Variants in MEF2C observed in about 807,000 individuals in gnomAD.
MEF2C encodes the protein myocyte-specific enhancer factor 2C.
MEF2C carries 6 observed loss-of-function variants against 50.5 expected under a neutral mutation model. That is an observed-to-expected ratio of 0.12 (90% CI 0.07 to 0.23). MEF2C has a LOEUF of 0.23. Among genes scored for constraint, MEF2C ranks in the 10% least tolerant of loss-of-function variants. MEF2C has a pLI of 1.00. For missense variants in MEF2C, 276 were observed against 605.0 expected (o/e 0.46, Z 5.70); for synonymous variants, 183 against 228.0 (o/e 0.80, Z 1.78).
rs146682702 is a variant in MEF2C, at chr5:88,853,836, G to T, written c.-143+29119C>A. ...TAAAACAATTTACATGAATGCTTTG[G>T]ATAAAGCTTAAACTTCAAACAAGGA... On this transcript the variant is annotated intron_variant, in intron 1 of 10. Transcript: ENST00000504921. 1.6e-3 allele frequency among the ~76,000 whole-genome samples: 249 copies of T among 152,288 alleles called. 8 individuals carry two copies. The East Asian group carries it at 0.037, about 22-fold the overall frequency.
chr5:88,734,029 G>GA (rs1280437838), intron 6 of MEF2C: 32 of 980,538 alleles, frequency 3.3e-5, no homozygotes, highest in South Asian at 4.7e-5. Context: ...CTCACTAGAA[G>GA]AAAAAAACAA....
intron 6 of MEF2C, chr5:88,733,393 G>T: frequency 1.0e-6 from 1 of 984,674 alleles, no homozygotes; most frequent in Non-Finnish European, 1.2e-6. Context: ...AAAGTCCTTG[G>T]GTTTATATGG....
chr5:88,730,102 T>C, intron 8 of MEF2C, 109 bp downstream of exon 8: 1 of 1,075,324 alleles, frequency 9.3e-7, no homozygotes, highest in Non-Finnish European at 1.3e-6. Context: ...ATAATCAATG[T>C]TGACATACTG....
At chr5:88,728,388 G>C in intron 10 of MEF2C, 105 bp downstream of exon 10, 4 of 906,608 alleles carry the variant, frequency 4.4e-6, no homozygotes, top group South Asian at 5.2e-5. Context: ...CAATAAAGTA[G>C]AGTTTTATAC....
intron 6 of MEF2C, chr5:88,734,304 T>A (rs1443248269): frequency 1.0e-6 from 1 of 985,226 alleles, no homozygotes; most frequent in Non-Finnish European, 1.2e-6. Flanking sequence ...CTGGTTTATA[T>A]AAACAATCAA....
chr5:88,799,141 G>A (rs1447931969), intron 3 of MEF2C, among the ~76,000 whole-genome samples: 1 of 152,242 alleles, frequency 6.6e-6, no homozygotes, highest in African/African-American at 2.4e-5. Context: ...ACTTGAGGAA[G>A]CAGTCTGTCC....
intron 1 of MEF2C, chr5:88,825,350 A>T (rs1810395594): frequency 4.2e-6 from 1 of 239,714 alleles, no homozygotes; most frequent in Non-Finnish European, 6.7e-6. Context: ...AGTGCTGCTT[A>T]AATACTAAGA....
At position 88,895,174 on chromosome 5, in the gene MEF2C, T is replaced by A. The variant is rs144886185; in HGVS notation, c.-239-7576A>T. Among the ~76,000 whole-genome samples, 6 of 152,346 alleles carry A rather than the reference T, an allele frequency of 3.9e-5. No homozygotes were observed. The East Asian group carries it at 1.2e-3, about 29-fold the overall frequency. On this transcript the variant is annotated intron_variant, in intron 1 of 11. Coordinates refer to the MEF2C transcript ENST00000340208. ...TATGTAATGATATTTTAAAAGATGT[T>A]TTCTTTTCTGTCAGTTTCATGCTTC...
chr5:88,761,361 G>A (rs1438248902), intron 3 of MEF2C, 33 bp from the exon 4 acceptor site: 1 of 1,596,586 alleles, frequency 6.3e-7, no homozygotes, highest in African/African-American at 1.3e-5. Flanking sequence ...TTCAAACCTA[G>A]ACAAAGGCTG....
chr5:88,848,544 T>A (rs1339767520), intron 1 of MEF2C, among the ~76,000 whole-genome samples: 1 of 152,210 alleles, frequency 6.6e-6, no homozygotes, highest in Non-Finnish European at 1.5e-5. Flanking sequence ...GTAGATAAGC[T>A]GAGGCACATT....
chr5:88,866,413 G>C (rs1234599722), intron 1 of MEF2C, among the ~76,000 whole-genome samples: 2 of 152,136 alleles, frequency 1.3e-5, no homozygotes, highest in Non-Finnish European at 2.9e-5. Flanking sequence ...TGTATATCTG[G>C]TAATTCAGAA....
chr5:88,794,418 T>C (rs1468019251), intron 3 of MEF2C, among the ~76,000 whole-genome samples: 3 of 152,234 alleles, frequency 2.0e-5, no homozygotes, highest in Non-Finnish European at 1.5e-5. Flanking sequence ...TTTTTTCATA[T>C]GCTTGTTGGT....
At chr5:88,804,553 C>A in intron 3 of MEF2C, 45 bp downstream of exon 3, 2 of 1,595,296 alleles carry the variant, frequency 1.3e-6, no homozygotes, top group Non-Finnish European at 1.7e-6. Context: ...GGTCCAAACT[C>A]CCCTGCTTGC....
intron 3 of MEF2C, among the ~76,000 whole-genome samples, chr5:88,803,809 A>G (rs997820200): frequency 6.6e-6 from 1 of 152,286 alleles, no homozygotes; most frequent in East Asian, 1.9e-4. Flanking sequence ...AAAATAAAAT[A>G]AAATAAAATA....
intron 1 of MEF2C, among the ~76,000 whole-genome samples, chr5:88,861,824 T>C (rs1404372825): frequency 6.6e-6 from 1 of 152,242 alleles, no homozygotes; most frequent in Non-Finnish European, 1.5e-5. Context: ...CAATGCTGTA[T>C]ACTTAATTTA....
At chr5:88,859,019 T>C (rs1475763300) in intron 1 of MEF2C, among the ~76,000 whole-genome samples, 1 of 152,228 alleles carries the variant, frequency 6.6e-6, no homozygotes, top group Non-Finnish European at 1.5e-5. Context: ...ATTCTGCCTG[T>C]CTCGTCAGAG....
intron 5 of MEF2C, chr5:88,750,263 G>T (rs1446747625): frequency 5.3e-6 from 1 of 189,448 alleles, no homozygotes; most frequent in Non-Finnish European, 9.6e-6. Context: ...GAGTATAGTG[G>T]CAGTAATATG....
chr5:88,833,006 A>T (rs1813663449), intron 1 of MEF2C, among the ~76,000 whole-genome samples: 2 of 152,150 alleles, frequency 1.3e-5, no homozygotes, highest in African/African-American at 4.8e-5. Context: ...TGGGACATGT[A>T]ATTGTTCTTA....
At chr5:88,860,538 C>G (rs187544812) in intron 1 of MEF2C, among the ~76,000 whole-genome samples, 263 of 152,138 alleles carry the variant, frequency 1.7e-3, no homozygotes, top group African/African-American at 6.1e-3. Context: ...GCTTACCTTT[C>G]AGACAGTCTT....
Sources: allele counts gnomAD v4.1 joint callset (sites outside exome capture counted in the v4.1 genomes callset), GRCh38; gene constraint gnomAD v4.1.1; transcripts MANE v1.5; gene names NCBI Gene and HGNC (gene_info 2026-07-23, HGNC 2026-07-21).